PPP1R1C: variants seen among roughly 807,000 people sequenced by gnomAD.
PPP1R1C encodes protein phosphatase 1 regulatory inhibitor subunit 1C.
Under a neutral mutation model 17.4 loss-of-function variants are expected in PPP1R1C, and 15 were observed. The observed-to-expected ratio is 0.86, with a 90% CI of 0.58 to 1.33. The LOEUF is 1.33. PPP1R1C is among the 40% of genes most tolerant of loss of function. PPP1R1C has a pLI of 0.00. For synonymous variants in PPP1R1C, 35 were observed against 43.1 expected, an observed-to-expected ratio of 0.81 and a Z score of 0.73; for missense variants, 143 against 130.0, an observed-to-expected ratio of 1.10 and a Z score of -0.48.
At chr2:182,074,796 C>T (rs1688246299) in intron 4 of PPP1R1C, among the ~76,000 whole-genome samples, 1 of 152,190 alleles carries the variant, frequency 6.6e-6, no homozygotes, top group Non-Finnish European at 1.5e-5. Context: ...GAACTAGATG[C>T]ACTCTTTCTG....
chr2:182,095,220 AC>A (rs1688897647), intron 4 of PPP1R1C, among the ~76,000 whole-genome samples: 1 of 151,584 alleles, frequency 6.6e-6, no homozygotes, highest in Admixed American at 6.6e-5. Flanking sequence ...AATCGCTTGA[AC>A]CCCAGAGGCA....
intron 2 of PPP1R1C, among the ~76,000 whole-genome samples, chr2:182,035,620 T>C (rs1435925133): frequency 6.6e-6 from 1 of 152,056 alleles, no homozygotes; most frequent in Non-Finnish European, 1.5e-5. Flanking sequence ...AAAGTTCTCA[T>C]GAGACCTGGT....
chr2:182,003,494 T>A (rs1380741421), intron 2 of PPP1R1C, among the ~76,000 whole-genome samples: 1 of 152,186 alleles, frequency 6.6e-6, no homozygotes, highest in East Asian at 1.9e-4. Flanking sequence ...TTTTATTTCA[T>A]TTTTGGACAT....
chr2:182,020,790 A>AAAAGG (rs1158810425), intron 2 of PPP1R1C, among the ~76,000 whole-genome samples: 4 of 152,134 alleles, frequency 2.6e-5, no homozygotes, highest in Non-Finnish European at 5.9e-5. Context: ...TCTATATGGT[A>AAAAGG]TTTCATTTCT....
chr2:182,011,555 A>C (rs1686088896), intron 2 of PPP1R1C, among the ~76,000 whole-genome samples: 1 of 151,946 alleles, frequency 6.6e-6, no homozygotes, highest in South Asian at 2.1e-4. Flanking sequence ...ATCTTTTCAA[A>C]AACCCAACTT....
At chr2:182,029,095 C>G (rs1455944461) in intron 2 of PPP1R1C, among the ~76,000 whole-genome samples, 2 of 139,848 alleles carry the variant, frequency 1.4e-5, no homozygotes, top group Non-Finnish European at 3.1e-5. Flanking sequence ...TTATTTTGAG[C>G]CTATGTGTGT....
chr2:181,965,111 T>C (rs1272139969), intron 1 of PPP1R1C, among the ~76,000 whole-genome samples: 1 of 152,266 alleles, frequency 6.6e-6, no homozygotes, highest in African/African-American at 2.4e-5. Flanking sequence ...GATAAATCTG[T>C]ATTCAGATCT....
At chr2:181,995,562 T>C (rs1271527701) in intron 2 of PPP1R1C, among the ~76,000 whole-genome samples, 1 of 152,330 alleles carries the variant, frequency 6.6e-6, no homozygotes, top group African/African-American at 2.4e-5. Flanking sequence ...GATGACATCA[T>C]TGTCAGTTGT....
intron 2 of PPP1R1C, among the ~76,000 whole-genome samples, chr2:182,046,236 C>T (rs1299667730): frequency 6.6e-6 from 1 of 151,958 alleles, no homozygotes; most frequent in Non-Finnish European, 1.5e-5. Flanking sequence ...TATAGACCTC[C>T]TGTTGTACAT....
chr2:182,124,328 T>TTTTTTTTTTTTTTTTTTTTTG (rs1689817983), intron 5 of PPP1R1C, among the ~76,000 whole-genome samples: 1 of 55,600 alleles, frequency 1.8e-5, no homozygotes, highest in Non-Finnish European at 4.8e-5. Context: ...TTTTTTTTTG[T>TTTTTTTTTTTTTTTTTTTTTG]TTTTTTTTTT....
intron 4 of PPP1R1C, among the ~76,000 whole-genome samples, chr2:182,091,320 T>A (rs1392308803): frequency 6.6e-6 from 1 of 152,060 alleles, no homozygotes; most frequent in African/African-American, 2.4e-5. Flanking sequence ...AATATTAAAA[T>A]GTAAGAAACA....
intron 2 of PPP1R1C, among the ~76,000 whole-genome samples, chr2:181,995,857 GAC>G (rs1685598123): frequency 6.6e-6 from 1 of 150,938 alleles, no homozygotes; most frequent in African/African-American, 2.4e-5. Context: ...GTAGTGATCT[GAC>G]ACAGTTTCCA....
rs1007127461 is a variant in PPP1R1C at position 181,961,290 on chromosome 2, G to A, written n.111+6656G>A. ...TTTGGATGGTTTGCATGGAGTTGCTGTTGTCCAGGGCATCACCAAGATTGA... is the reference window on the plus strand; with the variant it reads ...TTTGGATGGTTTGCATGGAGTTGCTATTGTCCAGGGCATCACCAAGATTGA... On this transcript the variant is annotated intron_variant and non_coding_transcript_variant, in intron 1 of 5. Transcript: ENST00000464264. This position sits in a 1 kb window ranked among gnomAD's most constrained non-coding sequence, Gnocchi z 5.8. The A allele has an allele frequency of 2.7e-6, 2 of 739,958 alleles. No individual in the cohort carries two copies. The highest frequency in any genetic ancestry group is 1.7e-5 in the African/African-American group (1 of 58,564). 45.8% of individuals were successfully genotyped at this position (739,958 alleles called of 1,614,324 possible).
intron 2 of PPP1R1C, among the ~76,000 whole-genome samples, chr2:182,001,169 A>G (rs534082827): frequency 2.4e-4 from 37 of 152,326 alleles, no homozygotes; most frequent in African/African-American, 7.9e-4. Flanking sequence ...TTTTGGAATC[A>G]TCTCAACAAG....
chr2:182,061,745 A>G (rs1398991910), intron 3 of PPP1R1C, among the ~76,000 whole-genome samples: 1 of 152,104 alleles, frequency 6.6e-6, no homozygotes, highest in Admixed American at 6.6e-5. Flanking sequence ...GACAACTTCA[A>G]TTTATTGAGT....
intron 2 of PPP1R1C, among the ~76,000 whole-genome samples, chr2:182,030,670 G>T (rs1234284009): frequency 1.3e-5 from 2 of 148,740 alleles, no homozygotes; most frequent in African/African-American, 2.5e-5. Flanking sequence ...CTTTTTGTTT[G>T]TCTGTGCCCT....
chr2:182,030,452 G>T lies in PPP1R1C; in HGVS notation c.143-30990G>T, dbSNP rs573270463. On this transcript the variant is annotated intron_variant, in intron 2 of 4. Coordinates refer to ENST00000682840, the MANE Select transcript of PPP1R1C (RefSeq NM_001080545.3). ...TAACAGACAGGACCCTCAGCTGCAG[G>T]TCTGTTGGAATACCCTGCCGTGTGA... 3.1e-3 allele frequency among the ~76,000 whole-genome samples: 475 copies of T among 150,812 alleles called. 1 individual carries two copies. The highest frequency in any genetic ancestry group is 0.027 in the Middle Eastern group (8 of 294).
chr2:181,958,355 A>C (rs779614163), intron 1 of PPP1R1C, among the ~76,000 whole-genome samples: 11 of 152,222 alleles, frequency 7.2e-5, no homozygotes, highest in Non-Finnish European at 1.2e-4. Flanking sequence ...TGCTATAAGT[A>C]TGGCCAAAAA....
upstream of PPP1R1C, among the ~76,000 whole-genome samples, chr2:181,983,981 A>G (rs1167686957): frequency 1.3e-5 from 2 of 152,246 alleles, no homozygotes; most frequent in African/African-American, 4.8e-5. Context: ...TAGGGCAATT[A>G]GTTAATGAGA....
Sources: allele counts gnomAD v4.1 joint callset (sites outside exome capture counted in the v4.1 genomes callset), GRCh38; gene constraint gnomAD v4.1.1; non-coding constraint Gnocchi (gnomAD v3.1); transcripts MANE v1.5; gene names NCBI Gene and HGNC (gene_info 2026-07-23, HGNC 2026-07-21).